The following PPP4R2 variants were observed in gnomAD, a reference collection of about 807,000 sequenced individuals.
The protein encoded by PPP4R2 is protein phosphatase 4 regulatory subunit 2.
A neutral mutation model predicts 47.2 loss-of-function variants in PPP4R2; 13 were observed. The observed-to-expected ratio is 0.28, with a 90% confidence interval of 0.18 to 0.44. PPP4R2 has a LOEUF of 0.44. Among genes scored for constraint, PPP4R2 ranks in the 20% least tolerant of loss-of-function variants. PPP4R2 has a pLI of 1.00. For synonymous variants in PPP4R2, 151 were observed against 163.3 expected (o/e 0.92, Z 0.57); for missense variants, 421 against 491.2 (o/e 0.86, Z 1.35).
chr3:73,022,295 T>C lies in PPP4R2; in HGVS notation c.116+24137T>C, dbSNP rs1473729987. Among the ~76,000 whole-genome samples, 5 of 152,176 alleles carry C rather than the reference T, an allele frequency of 3.3e-5. No homozygotes were observed. The East Asian group carries it at 9.6e-4, about 29-fold the overall frequency. On this transcript the variant is annotated intron_variant, in intron 2 of 8. Coordinates refer to ENST00000356692, the MANE Select transcript of PPP4R2 (RefSeq NM_174907.4). ...AATTAGGCCTGGAGGAAATCTTTTA[T>C]AAATGTAGCCCTTTAAGAGAGTAAT...
rs147612436 is a variant in PPP4R2, at chr3:73,002,899, C to T, written c.116+4741C>T. Among the ~76,000 whole-genome samples the T allele has an allele frequency of 6.9e-3, 1,045 of 151,950 alleles. 10 individuals are homozygous for T. Among genetic ancestry groups the T allele is most frequent in the African/African-American group, 0.024 (982 of 41,460 alleles). ...CCTCGTGATCCATCCACCTTGGCCT[C>T]CCAAAGTGCTGGGATTACAGGTGTG... On this transcript the variant is annotated intron_variant, in intron 2 of 8. Coordinates refer to ENST00000356692, the MANE Select transcript of PPP4R2 (RefSeq NM_174907.4).
chr3:73,036,039 T>G (rs1575865646), intron 2 of PPP4R2, among the ~76,000 whole-genome samples: 1 of 152,254 alleles, frequency 6.6e-6, no homozygotes, highest in Non-Finnish European at 1.5e-5. Flanking sequence ...ACACACACAG[T>G]GAAATACAGT....
At chr3:72,998,490 C>T (rs554297409) in intron 2 of PPP4R2, among the ~76,000 whole-genome samples, 2 of 151,818 alleles carry the variant, frequency 1.3e-5, no homozygotes, top group African/African-American at 4.8e-5. Flanking sequence ...AACAAATAGG[C>T]TTATTCCTAG....
At chr3:73,049,483 A>G (rs753895936) in intron 3 of PPP4R2, among the ~76,000 whole-genome samples, 12 of 151,352 alleles carry the variant, frequency 7.9e-5, no homozygotes, top group Non-Finnish European at 1.6e-4. Context: ...TGGGTGACAG[A>G]GTGAGACTCC....
chr3:73,038,823 A>G (rs1702317946), intron 2 of PPP4R2, among the ~76,000 whole-genome samples: 1 of 152,212 alleles, frequency 6.6e-6, no homozygotes, highest in Non-Finnish European at 1.5e-5. Flanking sequence ...TTGCCAAGAA[A>G]GAAACCCAGG....
At chr3:73,058,775 G>A (rs1368334457) in intron 3 of PPP4R2, among the ~76,000 whole-genome samples, 6 of 150,876 alleles carry the variant, frequency 4.0e-5, no homozygotes, top group African/African-American at 9.8e-5. Flanking sequence ...TTTTGTACCC[G>A]TTAACCATTC....
At chr3:73,005,608 G>A (rs1344459288) in intron 2 of PPP4R2, among the ~76,000 whole-genome samples, 1 of 151,956 alleles carries the variant, frequency 6.6e-6, no homozygotes, top group African/African-American at 2.4e-5. Flanking sequence ...CAGCAGTTTG[G>A]GAGGCTGAGG....
intron 2 of PPP4R2, among the ~76,000 whole-genome samples, chr3:73,010,817 G>A (rs1701708721): frequency 6.6e-6 from 1 of 152,178 alleles, no homozygotes; most frequent in South Asian, 2.1e-4. Context: ...TGGGATTACA[G>A]GCATGAGCCA....
At chr3:73,058,083 A>G (rs1702765896) in intron 3 of PPP4R2, among the ~76,000 whole-genome samples, 1 of 140,604 alleles carries the variant, frequency 7.1e-6, no homozygotes, top group African/African-American at 2.7e-5. Context: ...GAATGCTAAT[A>G]GCTACATGAG....
chr3:72,997,503 T>A (rs540484760), intron 1 of PPP4R2: 1 of 180,190 alleles, frequency 5.5e-6, no homozygotes. Flanking sequence ...TGTCTCAGTA[T>A]GCCTTTTTCA....
chr3:73,054,001 C>G (rs950799210), intron 3 of PPP4R2, among the ~76,000 whole-genome samples: 16 of 151,402 alleles, frequency 1.1e-4, no homozygotes, highest in African/African-American at 2.4e-4. Context: ...GAGTGTTGCT[C>G]TATTACCTGG....
chr3:73,015,073 G>A, intron 2 of PPP4R2: 2 of 467,104 alleles, frequency 4.3e-6, no homozygotes, highest in South Asian at 4.3e-5. Context: ...AGCCATTTAG[G>A]ATATAGGAAG....
At chr3:73,026,732 ATTAGTG>A (rs1456914081) in intron 2 of PPP4R2, among the ~76,000 whole-genome samples, 29 of 152,210 alleles carry the variant, frequency 1.9e-4, no homozygotes, top group South Asian at 4.1e-4. Context: ...ATCAGCTATC[ATTAGTG>A]TTAGTGTTAG....
At chr3:73,013,489 GAA>G (rs968628254) in intron 2 of PPP4R2, among the ~76,000 whole-genome samples, 5 of 101,420 alleles carry the variant, frequency 4.9e-5, no homozygotes, top group South Asian at 3.7e-4. Flanking sequence ...AAAAATGTAA[GAA>G]AAAAAATCAA....
chr3:73,042,916 C>A (rs892040592), intron 2 of PPP4R2, among the ~76,000 whole-genome samples: 28 of 152,066 alleles, frequency 1.8e-4, no homozygotes. Flanking sequence ...TGAGTTAGTG[C>A]CATAGAGTCT....
Position 73,024,341 on chromosome 3 carries a change from A to G in PPP4R2, c.117-22845A>G, listed in dbSNP as rs141428308. Reference sequence around the variant, plus strand: ...AAGAAAGGAAAATAGCAATAAAGTTACTTTATTGGTAGTGATCTGTCTTAG... The same window carrying G: ...AAGAAAGGAAAATAGCAATAAAGTTGCTTTATTGGTAGTGATCTGTCTTAG... On this transcript the variant is annotated intron_variant, in intron 2 of 8. Transcript: ENST00000356692. 4.8e-3 allele frequency among the ~76,000 whole-genome samples: 735 copies of G among 152,310 alleles called. 5 individuals carry two copies. The highest frequency in any genetic ancestry group is 0.031 in the Middle Eastern group (9 of 294).
rs532100545 is a variant in PPP4R2, at chr3:73,050,585, C to T, written c.287+3229C>T. ...ATAGATAATCTTTAAATTACAAAAG[C>T]GGTGTATGTTCACGCTTTTAAAAAG... On this transcript the variant is annotated intron_variant, in intron 3 of 8. Coordinates refer to ENST00000356692, the MANE Select transcript of PPP4R2 (RefSeq NM_174907.4). Among the ~76,000 whole-genome samples the T allele has an allele frequency of 3.3e-5, 5 of 152,152 alleles. No homozygotes were observed. The East Asian group carries it at 9.6e-4, about 29-fold the overall frequency.
rs201649088 is a variant in PPP4R2, at chr3:73,062,330, C to A, written c.419+1270C>A. On this transcript the variant is annotated intron_variant, in intron 5 of 8. Coordinates refer to ENST00000356692, the MANE Select transcript of PPP4R2 (RefSeq NM_174907.4). ...GAAGATTTGAGCTATCTGGGAAAAA[C>A]AGACAGTATCCACTGGATGCATTGG... The A allele has an allele frequency of 2.0e-5, 32 of 1,607,702 alleles. No individual in the cohort carries two copies. In the African/African-American group the frequency reaches 3.1e-4, roughly 16 times the overall value.
At chr3:73,033,034 G>C (rs143954159) in intron 2 of PPP4R2, among the ~76,000 whole-genome samples, 194 of 152,212 alleles carry the variant, frequency 1.3e-3, no homozygotes, top group African/African-American at 3.9e-3. Flanking sequence ...TACGGTGGGA[G>C]ACCCATTTTT....
Sources: allele counts gnomAD v4.1 joint callset (sites outside exome capture counted in the v4.1 genomes callset), GRCh38; gene constraint gnomAD v4.1.1; transcripts MANE v1.5; gene names NCBI Gene and HGNC (gene_info 2026-07-23, HGNC 2026-07-21).